TPST1: variants seen among roughly 807,000 people sequenced by gnomAD.
The protein encoded by TPST1 is tyrosylprotein sulfotransferase 1, also known as protein-tyrosine sulfotransferase 1.
A neutral mutation model predicts 34.8 loss-of-function variants in TPST1; 20 were observed. That is an observed-to-expected ratio of 0.57 (90% CI 0.40 to 0.84). The LOEUF (loss-of-function observed/expected upper bound fraction) is 0.84, where lower values mean the gene tolerates loss of function less well. TPST1 is among the 40% of genes least tolerant of loss of function. TPST1 has a pLI of 0.00. For synonymous variants in TPST1, 152 were observed against 159.4 expected (o/e 0.95, Z 0.35); for missense variants, 353 against 455.5 (o/e 0.78, Z 2.05).
chr7:66,283,177 C>CT (rs1429927788), intron 2 of TPST1, among the ~76,000 whole-genome samples: 3 of 152,128 alleles, frequency 2.0e-5, no homozygotes, highest in Non-Finnish European at 1.5e-5. Flanking sequence ...AGGAGAATCG[C>CT]TTGAACCCAG....
At chr7:66,242,306 G>A (rs1411589480) in intron 2 of TPST1, among the ~76,000 whole-genome samples, 1 of 151,142 alleles carries the variant, frequency 6.6e-6, no homozygotes, top group Non-Finnish European at 1.5e-5. Flanking sequence ...AAATATAAAA[G>A]GTGTTATATA....
chr7:66,321,357 A>G (rs1392209386), intron 3 of TPST1, among the ~76,000 whole-genome samples: 1 of 152,262 alleles, frequency 6.6e-6, no homozygotes, highest in African/African-American at 2.4e-5. Flanking sequence ...TATTACCTGC[A>G]CAACTGACTT....
chr7:66,357,078 A>C (rs147631243), intron 5 of TPST1, among the ~76,000 whole-genome samples: 387 of 152,338 alleles, frequency 2.5e-3, no homozygotes, highest in African/African-American at 9.0e-3. Flanking sequence ...TAATATTAAC[A>C]AGAGCATGGT....
chr7:66,202,601 C>T (rs1484994324), upstream of TPST1, among the ~76,000 whole-genome samples: 1 of 152,178 alleles, frequency 6.6e-6, no homozygotes, highest in Non-Finnish European at 1.5e-5. Context: ...AGGGGCTGTG[C>T]ACCGGTGGTG....
intron 3 of TPST1, among the ~76,000 whole-genome samples, chr7:66,349,666 G>C (rs1792430458): frequency 6.6e-6 from 1 of 152,160 alleles, no homozygotes; most frequent in East Asian, 1.9e-4. Flanking sequence ...ACCTGAACTG[G>C]TTCTGTAAAG....
intron 3 of TPST1, among the ~76,000 whole-genome samples, chr7:66,304,470 C>T (rs1043310940): frequency 2.6e-5 from 4 of 152,202 alleles, no homozygotes; most frequent in Non-Finnish European, 4.4e-5. Flanking sequence ...TGACCCAGAA[C>T]CACACAGGGA....
chr7:66,341,380 G>A (rs1332913442), intron 3 of TPST1, among the ~76,000 whole-genome samples: 3 of 152,140 alleles, frequency 2.0e-5, no homozygotes, highest in Non-Finnish European at 4.4e-5. Flanking sequence ...CTGGGTTCAA[G>A]CAATTCTCTG....
At chr7:66,264,978 A>G (rs1790562122) in intron 2 of TPST1, among the ~76,000 whole-genome samples, 1 of 152,212 alleles carries the variant, frequency 6.6e-6, no homozygotes, top group Non-Finnish European at 1.5e-5. Flanking sequence ...AATATCAACA[A>G]AAAGATAGAA....
At chr7:66,353,020 G>C (rs1253659048) in intron 4 of TPST1, 15 of 984,746 alleles carry the variant, frequency 1.5e-5, no homozygotes, top group Non-Finnish European at 1.7e-5. Context: ...GACAGTGAGA[G>C]TTTGAAGGAT....
In TPST1 at chr7:66,333,412, A is replaced by G. The variant is rs368492655; in HGVS notation, c.1045-19093A>G. Among the ~76,000 whole-genome samples, 25 of 152,286 alleles carry G rather than the reference A, an allele frequency of 1.6e-4. No individual in the cohort carries two copies. The East Asian group carries it at 2.1e-3, about 13-fold the overall frequency. ...GTCTTATGTAGTGTGTGTACTGTGGAAGATCGAGAAAGTGCGTTAGGTTGT... is the reference window on the plus strand; with the variant it reads ...GTCTTATGTAGTGTGTGTACTGTGGGAGATCGAGAAAGTGCGTTAGGTTGT... On this transcript the variant is annotated intron_variant, in intron 3 of 5. Transcript: ENST00000304842.
Position 66,347,059 on chromosome 7 carries a change from CTTTTTTTTTTTT to C in TPST1, c.1045-5431_1045-5420del, listed in dbSNP as rs71051352. 4.3e-3 allele frequency among the ~76,000 whole-genome samples: 255 copies of C among 59,978 alleles called. 3 individuals carry two copies. Among genetic ancestry groups the C allele is most frequent in the African/African-American group, 0.016 (237 of 15,086 alleles). 39.3% of individuals were successfully genotyped at this position (59,978 alleles called of 152,430 possible). A position where few individuals can be genotyped will look rare whatever the true frequency, so the allele number is the denominator to read the frequency against. On this transcript the variant is annotated intron_variant, in intron 3 of 5. Transcript: ENST00000304842. ...TTTCTTCTTTTTTTCCTTTGCTTTT[CTTTTTTTTTTTT>C]TTTTTTTTTTTTTTGAGACAGGGTC...
At chr7:66,222,911 C>T (rs1171762317) in intron 1 of TPST1, among the ~76,000 whole-genome samples, 1 of 152,138 alleles carries the variant, frequency 6.6e-6, no homozygotes, top group Non-Finnish European at 1.5e-5. Context: ...TGTCTCCAGT[C>T]TGTCTTCTTC....
chr7:66,262,932 T>A (rs1377275312), intron 2 of TPST1, among the ~76,000 whole-genome samples: 1 of 152,040 alleles, frequency 6.6e-6, no homozygotes, highest in Non-Finnish European at 1.5e-5. Flanking sequence ...ACCCCATCTC[T>A]GCTAAAAATA....
intron 3 of TPST1, among the ~76,000 whole-genome samples, chr7:66,306,801 C>A (rs1213923063): frequency 6.6e-6 from 1 of 152,220 alleles, no homozygotes; most frequent in Non-Finnish European, 1.5e-5. Flanking sequence ...AAACCTCCCC[C>A]TCCCGGGTTG....
chr7:66,241,113 G>T lies in TPST1; in HGVS notation c.688G>T (p.Gly230Cys), dbSNP rs780529201. 6 of 1,614,130 alleles carry T rather than the reference G, an allele frequency of 3.7e-6. No individual in the cohort carries two copies. Among genetic ancestry groups the T allele is most frequent in the Non-Finnish European group, 4.2e-6 (5 of 1,180,018 alleles). ...ETMYNQCMEV[G>C]YKKCMLVHYE... ...CATGTATAACCAGTGTATGGAGGTT[G>T]GTTATAAAAAGTGCATGTTGGTTCA... The change falls in exon 2 of 6, where the codon GGT becomes TGT. Residue 230 changes from glycine (G) to cysteine (C), a missense_variant. By Grantham distance (159) the Gly-to-Cys change is radical. Transcript: ENST00000304842.
intron 1 of TPST1, among the ~76,000 whole-genome samples, chr7:66,209,145 C>T (rs1043348265): frequency 2.6e-5 from 4 of 151,918 alleles, no homozygotes; most frequent in South Asian, 2.1e-4. Context: ...TGGTGGTGGG[C>T]GCCTGTAATC....
chr7:66,243,628 T>TTTC, intron 2 of TPST1, among the ~76,000 whole-genome samples: 1 of 149,052 alleles, frequency 6.7e-6, no homozygotes, highest in South Asian at 2.1e-4. Flanking sequence ...TTTTTTTTTT[T>TTTC]GTATTTTTGG....
At chr7:66,281,294 T>G (rs554974943) in intron 2 of TPST1, among the ~76,000 whole-genome samples, 7 of 152,300 alleles carry the variant, frequency 4.6e-5, no homozygotes, top group Non-Finnish European at 7.4e-5. Context: ...GTTTTCTTTT[T>G]TTGTTGTATC....
intron 3 of TPST1, among the ~76,000 whole-genome samples, chr7:66,306,448 G>A (rs1170472507): frequency 6.6e-6 from 1 of 152,180 alleles, no homozygotes; most frequent in Non-Finnish European, 1.5e-5. Context: ...TGCTCCAGGA[G>A]TTTGCTCTGA....
Sources: allele counts gnomAD v4.1 joint callset (sites outside exome capture counted in the v4.1 genomes callset), GRCh38; gene constraint gnomAD v4.1.1; transcripts MANE v1.5; gene names NCBI Gene and HGNC (gene_info 2026-07-23, HGNC 2026-07-21).